Variants in ZFHX3 observed in about 807,000 individuals in gnomAD.
ZFHX3 encodes the protein zinc finger homeobox 3.
A neutral mutation model predicts 279.1 loss-of-function variants in ZFHX3; 42 were observed. The ratio of observed to expected loss-of-function variants is 0.15; its 90% confidence interval spans 0.12 to 0.19. The LOEUF (loss-of-function observed/expected upper bound fraction) is 0.19. Among genes scored for constraint, ZFHX3 ranks in the 10% least tolerant of loss-of-function variants. The probability of loss-of-function intolerance (pLI) is 1.00; values close to 1 mark genes in which losing one functional copy is unlikely to be tolerated. For synonymous variants in ZFHX3, 2,293 were observed against 1,957.8 expected (o/e 1.17, Z -4.52); for missense variants, 4,981 against 4,754.0 (o/e 1.05, Z -1.40).
intron 4 of ZFHX3, among the ~76,000 whole-genome samples, chr16:72,887,716 G>A (rs966330192): frequency 2.6e-5 from 4 of 151,518 alleles, no homozygotes; most frequent in Non-Finnish European, 4.4e-5. Flanking sequence ...GGAGGTGCAC[G>A]CAGATGGGGC....
intron 5 of ZFHX3, among the ~76,000 whole-genome samples, chr16:73,189,732 C>G (rs1967987777): frequency 6.6e-6 from 1 of 152,154 alleles, no homozygotes; most frequent in Admixed American, 6.5e-5. Flanking sequence ...TGGGCATTCC[C>G]CCTGAGCTCA....
chr16:73,391,683 A>G (rs774513653), intron 3 of ZFHX3, among the ~76,000 whole-genome samples: 1 of 152,202 alleles, frequency 6.6e-6, no homozygotes, highest in African/African-American at 2.4e-5. Context: ...AGGAACCTAC[A>G]GGATGATGGA....
intron 1 of ZFHX3, among the ~76,000 whole-genome samples, chr16:73,784,197 T>C (rs559237318): frequency 6.6e-6 from 1 of 152,246 alleles, no homozygotes; most frequent in African/African-American, 2.4e-5. Flanking sequence ...TTGAGTAAAT[T>C]ACTTAACCTC....
chr16:73,026,190 TACAAA>T (rs1964490498), intron 1 of ZFHX3, among the ~76,000 whole-genome samples: 1 of 2,648 alleles, frequency 3.8e-4, no homozygotes, highest in South Asian at 0.01. Context: ...CTACAAAAAA[TACAAA>T]AAAAAAAAAA....
At chr16:73,172,138 A>G (rs1967542592) in intron 5 of ZFHX3, among the ~76,000 whole-genome samples, 1 of 152,080 alleles carries the variant, frequency 6.6e-6, no homozygotes, top group Admixed American at 6.5e-5. Context: ...ATCCCTGAGG[A>G]GGAAAAGAGC....
intron 3 of ZFHX3, among the ~76,000 whole-genome samples, chr16:72,918,957 A>C (rs112536041): frequency 1.3e-5 from 2 of 152,014 alleles, no homozygotes; most frequent in Non-Finnish European, 2.9e-5. Flanking sequence ...CGGCCTCCCA[A>C]AGTGCTGGGA....
At chr16:73,847,904 G>GTTTTTTT in intron 1 of ZFHX3, among the ~76,000 whole-genome samples, 1 of 80,056 alleles carries the variant, frequency 1.2e-5, no homozygotes, top group Non-Finnish European at 2.3e-5. Flanking sequence ...TGCCTGGCTA[G>GTTTTTTT]TTTTTTTTTT....
chr16:73,877,263 G>T (rs1374762337), intron 1 of ZFHX3, among the ~76,000 whole-genome samples: 1 of 151,660 alleles, frequency 6.6e-6, no homozygotes, highest in Non-Finnish European at 1.5e-5. Context: ...CAATTCATCA[G>T]TTTTTGTCTT....
chr16:73,710,076 G>C (rs879841907), intron 1 of ZFHX3, among the ~76,000 whole-genome samples: 1 of 152,092 alleles, frequency 6.6e-6, no homozygotes, highest in Non-Finnish European at 1.5e-5. Flanking sequence ...CCAGCTACTC[G>C]GGAGGCTGAG....
intron 2 of ZFHX3, among the ~76,000 whole-genome samples, chr16:73,656,210 G>T (rs2052719581): frequency 1.3e-5 from 2 of 152,178 alleles, no homozygotes; most frequent in Admixed American, 1.3e-4. Flanking sequence ...CTGAGTACCT[G>T]CCACAGAAAT....
chr16:73,786,688 G>A (rs1959659383), intron 1 of ZFHX3, among the ~76,000 whole-genome samples: 1 of 152,116 alleles, frequency 6.6e-6, no homozygotes, highest in Admixed American at 6.6e-5. Flanking sequence ...CTATTCCATG[G>A]GTGCCTGATA....
chr16:73,463,320 A>C (rs748002045), intron 2 of ZFHX3, among the ~76,000 whole-genome samples: 4 of 152,206 alleles, frequency 2.6e-5, no homozygotes, highest in Non-Finnish European at 5.9e-5. Flanking sequence ...AGTACAGAGA[A>C]GTTAAGTAAG....
intron 1 of ZFHX3, among the ~76,000 whole-genome samples, chr16:73,847,048 T>C (rs555984311): frequency 6.6e-6 from 1 of 152,270 alleles, no homozygotes; most frequent in South Asian, 2.1e-4. Flanking sequence ...ACGCCTGTAA[T>C]CCCAACATTT....
intron 6 of ZFHX3, among the ~76,000 whole-genome samples, chr16:73,136,730 A>G (rs867211716): frequency 3.3e-5 from 5 of 149,680 alleles, no homozygotes; most frequent in Middle Eastern, 3.2e-3. Context: ...TGCCTCAAAA[A>G]AAAAAAAAAA....
chr16:72,831,122 TCTGA>T (rs1253060971), intron 4 of ZFHX3, among the ~76,000 whole-genome samples: 3 of 152,304 alleles, frequency 2.0e-5, no homozygotes, highest in South Asian at 2.1e-4. Context: ...TGTCATGCCT[TCTGA>T]CTGTCTAGAA....
chr16:73,383,410 T>A (rs1478155694), intron 3 of ZFHX3, among the ~76,000 whole-genome samples: 2 of 152,122 alleles, frequency 1.3e-5, no homozygotes, highest in Non-Finnish European at 2.9e-5. Flanking sequence ...TCAGGCTCCG[T>A]GCAGAGCCTC....
At chr16:73,449,114 T>C (rs912877454) in intron 3 of ZFHX3, among the ~76,000 whole-genome samples, 6 of 152,170 alleles carry the variant, frequency 3.9e-5, no homozygotes, top group South Asian at 2.1e-4. Context: ...ATATAACAAC[T>C]GTGCAGTTAA....
intron 5 of ZFHX3, among the ~76,000 whole-genome samples, chr16:73,216,655 C>T (rs182671444): frequency 6.6e-6 from 1 of 152,224 alleles, no homozygotes; most frequent in East Asian, 1.9e-4. Context: ...CCCAGCTACT[C>T]AGGAGGCTGA....
intron 8 of ZFHX3, among the ~76,000 whole-genome samples, chr16:73,089,466 G>A (rs532355634): frequency 4.8e-4 from 73 of 152,264 alleles, no homozygotes; most frequent in Admixed American, 9.2e-4. Flanking sequence ...TTTTACCGAG[G>A]AAAAATCAAA....
Sources: allele counts gnomAD v4.1 joint callset (sites outside exome capture counted in the v4.1 genomes callset), GRCh38; gene constraint gnomAD v4.1.1; transcripts MANE v1.5; gene names NCBI Gene and HGNC (gene_info 2026-07-23, HGNC 2026-07-21).